ACOX2: variants seen among roughly 807,000 people sequenced by gnomAD.
ACOX2 encodes the protein peroxisomal acyl-coenzyme A oxidase 2.
ACOX2 carries 59 observed loss-of-function variants against 77.5 expected under a neutral mutation model. That is an observed-to-expected ratio of 0.76 (90% confidence interval 0.62 to 0.95). The LOEUF is 0.95. Ranked by LOEUF, ACOX2 falls within the 40% of genes least tolerant of loss-of-function variation. The pLI is 0.00. For missense variants in ACOX2, 837 were observed against 880.4 expected, an observed-to-expected ratio of 0.95 and a Z score of 0.62; for synonymous variants, 317 against 340.1, an observed-to-expected ratio of 0.93 and a Z score of 0.75.
intron 13 of ACOX2, among the ~76,000 whole-genome samples, chr3:58,510,284 G>A (rs916446486): frequency 6.6e-6 from 1 of 151,866 alleles, no homozygotes; most frequent in Non-Finnish European, 1.5e-5. Context: ...CCCCCTTGTG[G>A]TCTCACTTCA....
At chr3:58,517,174 G>A in intron 13 of ACOX2, 32 bp downstream of exon 13, 1 of 1,606,920 alleles carries the variant, frequency 6.2e-7, no homozygotes, top group Non-Finnish European at 8.5e-7. Flanking sequence ...ATTCTCTGAA[G>A]ACTAACATGG....
rs1247807524 is a variant in ACOX2 at position 58,535,946 on chromosome 3, T to C, written c.-91-749A>G. 6.6e-6 allele frequency among the ~76,000 whole-genome samples: 1 copy of C among 152,158 alleles called. No homozygotes were observed. Among genetic ancestry groups the C allele is most frequent in the Non-Finnish European group, 1.5e-5 (1 of 68,030 alleles). The stretch of plus-strand genomic sequence containing the variant: ...TTGGCTAGCATCCAGGCCACTGTTA[T>C]CTCTTACTTGGCCTCAGTGTTCCTC... On this transcript the variant is annotated intron_variant, in intron 1 of 14. Transcript: ENST00000302819. The surrounding 1 kb of genome is among the most constrained non-coding windows in gnomAD (Gnocchi z 4.8).
In ACOX2 at chr3:58,521,365, G is replaced by A. The variant is rs945667772; in HGVS notation, c.1632+1131C>T. On this transcript the variant is annotated intron_variant, in intron 12 of 14. Coordinates refer to ENST00000302819, the MANE Select transcript of ACOX2 (RefSeq NM_003500.4). The surrounding 1 kb of genome is among the most constrained non-coding windows in gnomAD (Gnocchi z 4.8). Reference sequence around the variant, plus strand: ...CTGGGTCTGAGGCCTGAGGATTGGCGTGATCACTTTAGTTTTCCAGTTATT... The same window carrying A: ...CTGGGTCTGAGGCCTGAGGATTGGCATGATCACTTTAGTTTTCCAGTTATT... Among the ~76,000 whole-genome samples, 4 of 152,298 alleles carry A rather than the reference G, an allele frequency of 2.6e-5. No individual in the cohort carries two copies. The highest frequency in any genetic ancestry group is 3.9e-4 in the East Asian group (2 of 5,174).
At chr3:58,536,796 C>A (rs901949899) in intron 1 of ACOX2, among the ~76,000 whole-genome samples, 3 of 152,198 alleles carry the variant, frequency 2.0e-5, no homozygotes, top group African/African-American at 7.2e-5. Context: ...AGCCCCCTCC[C>A]CCGGCATTCC....
chr3:58,508,948 C>T lies in ACOX2; in HGVS notation c.1928G>A (p.Gly643Glu), dbSNP rs758228481. 1.2e-6 allele frequency: 2 copies of T among 1,614,158 alleles called. No individual in the cohort carries two copies. The highest frequency in any genetic ancestry group is 1.7e-6 in the Non-Finnish European group (2 of 1,180,024). The change falls in exon 14 of 15, where the codon GGA becomes GAA. Residue 643 changes from glycine to glutamate, a missense_variant. Transcript: ENST00000302819. The part of the protein sequence containing the change: ...CLNSALGCYD[G>E]NVYERLFQWA... The stretch of plus-strand genomic sequence containing the variant: ...CTGGAACAGGCGTTCGTAGACGTTT[C>T]CATCATAACAGCCAAGTGCTGAATT...
Position 58,505,525 on chromosome 3 carries a change from A to G in ACOX2, c.1984-239T>C, listed in dbSNP as rs565798781. ...GATGCAGGTGGCCAATTAAAAACACAGCTTATCACTTGCTTTTGGAATTTC... is the reference window on the plus strand; with the variant it reads ...GATGCAGGTGGCCAATTAAAAACACGGCTTATCACTTGCTTTTGGAATTTC... On this transcript the variant is annotated intron_variant, in intron 14 of 14. Coordinates refer to ENST00000302819, the MANE Select transcript of ACOX2 (RefSeq NM_003500.4). This position sits in a 1 kb window ranked among gnomAD's most constrained non-coding sequence, Gnocchi z 4.4. Among the ~76,000 whole-genome samples, 1 of 152,370 alleles carries G rather than the reference A, an allele frequency of 6.6e-6. No individual in the cohort carries two copies. Among genetic ancestry groups the G allele is most frequent in the East Asian group, 1.9e-4 (1 of 5,192 alleles).
rs186391182 is a variant in ACOX2 at position 58,524,239 on chromosome 3, A to G, written c.1526+187T>C. ...CAGGATGGGGAAGTGACGGGGGTCCATGGCTGATGGGGGGGACATCCCCTC... is the reference window on the plus strand; with the variant it reads ...CAGGATGGGGAAGTGACGGGGGTCCGTGGCTGATGGGGGGGACATCCCCTC... On this transcript the variant is annotated intron_variant, in intron 11 of 14. Coordinates refer to ENST00000302819, the MANE Select transcript of ACOX2 (RefSeq NM_003500.4). The surrounding 1 kb of genome is among the most constrained non-coding windows in gnomAD (Gnocchi z 5.5). Among the ~76,000 whole-genome samples, 52 of 152,306 alleles carry G rather than the reference A, an allele frequency of 3.4e-4. No homozygotes were observed. The highest frequency in any genetic ancestry group is 8.3e-4 in the South Asian group (4 of 4,830).
intron 12 of ACOX2, 147 bp from the exon 13 acceptor site, chr3:58,517,570 T>G (rs1306090109): frequency 2.1e-6 from 1 of 483,238 alleles, no homozygotes. Flanking sequence ...CTCCTAGCTC[T>G]GGGTCTGATC....
At position 58,515,373 on chromosome 3, in the gene ACOX2, A is replaced by G. The variant is rs114269622; in HGVS notation, c.1850+1833T>C. ...TATCTGTTACATGCTATGAGTAGTCATAAAGGGCATGTAACATATTGCATA... is the reference window on the plus strand; with the variant it reads ...TATCTGTTACATGCTATGAGTAGTCGTAAAGGGCATGTAACATATTGCATA... On this transcript the variant is annotated intron_variant, in intron 13 of 14. Coordinates refer to ENST00000302819, the MANE Select transcript of ACOX2 (RefSeq NM_003500.4). The surrounding 1 kb of genome is among the most constrained non-coding windows in gnomAD (Gnocchi z 4.0). 5.2e-3 allele frequency among the ~76,000 whole-genome samples: 798 copies of G among 152,308 alleles called. 6 individuals are homozygous for G. Among genetic ancestry groups the G allele is most frequent in the African/African-American group, 0.019 (772 of 41,566 alleles).
chr3:58,528,031 G>T lies in ACOX2; in HGVS notation c.1155+763C>A, dbSNP rs1309134183. Reference sequence around the variant, plus strand: ...CAATTTCTGTTGTTTATAAACCACTGCTTTATGGTATTTTGTTACAGTGGC... The same window carrying T: ...CAATTTCTGTTGTTTATAAACCACTTCTTTATGGTATTTTGTTACAGTGGC... On this transcript the variant is annotated intron_variant, in intron 9 of 14. Coordinates refer to ENST00000302819, the MANE Select transcript of ACOX2 (RefSeq NM_003500.4). This position sits in a 1 kb window ranked among gnomAD's most constrained non-coding sequence, Gnocchi z 5.6. Among the ~76,000 whole-genome samples, 3 of 152,270 alleles carry T rather than the reference G, an allele frequency of 2.0e-5. No individual in the cohort carries two copies. The East Asian group carries it at 5.8e-4, about 29-fold the overall frequency.
In ACOX2 at chr3:58,524,014, A is replaced by G. The variant is rs1419611846; in HGVS notation, c.1526+412T>C. Among the ~76,000 whole-genome samples the G allele has an allele frequency of 6.6e-6, 1 of 152,110 alleles. No individual in the cohort carries two copies. Among genetic ancestry groups the G allele is most frequent in the African/African-American group, 2.4e-5 (1 of 41,422 alleles). On this transcript the variant is annotated intron_variant, in intron 11 of 14. Coordinates refer to ENST00000302819, the MANE Select transcript of ACOX2 (RefSeq NM_003500.4). This position sits in a 1 kb window ranked among gnomAD's most constrained non-coding sequence, Gnocchi z 5.5. ...GAATTCTATCCCGTGGTGTAGTCAT[A>G]TTTTCAAAAATTATTTTTAGATTAT...
Position 58,522,622 on chromosome 3 carries a change from G to A in ACOX2, c.1527-21C>T, listed in dbSNP as rs1253175403. 4 of 1,610,852 alleles carry A rather than the reference G, an allele frequency of 2.5e-6. No individual in the cohort carries two copies. Among genetic ancestry groups the A allele is most frequent in the Non-Finnish European group, 3.4e-6 (4 of 1,177,114 alleles). ...TGAGCCTGAAAGCCAAAGCAAAAAA[G>A]GTTCAGCTTCCTGACTGAGTGGAAA... On this transcript the variant is annotated intron_variant, in intron 11 of 14. Transcript: ENST00000302819. This position sits in a 1 kb window ranked among gnomAD's most constrained non-coding sequence, Gnocchi z 4.3.
In ACOX2 at chr3:58,517,612, TTG is replaced by T. The variant is rs1491588329; in HGVS notation, c.1633-191_1633-190del. Among the ~76,000 whole-genome samples, 878 of 96,056 alleles carry T rather than the reference TTG, an allele frequency of 9.1e-3. 9 individuals carry two copies. Among genetic ancestry groups the T allele is most frequent in the Non-Finnish European group, 0.011 (519 of 48,146 alleles). The allele number at this position is 96,056 out of a possible 152,430, so 63.0% of individuals were successfully genotyped here. Reference sequence around the variant, plus strand: ...TTTTGATGTTGTGTATATGTGTGTGTTGGGGGGGGGAGCGGGGACGGGGGGGA... The same window carrying T: ...TTTTGATGTTGTGTATATGTGTGTGTGGGGGGGGAGCGGGGACGGGGGGGA... On this transcript the variant is annotated intron_variant, in intron 12 of 14. Transcript: ENST00000302819.
intron 13 of ACOX2, among the ~76,000 whole-genome samples, chr3:58,510,663 AATATATATATATATATAT>A (rs1364040351): frequency 7.7e-4 from 11 of 14,368 alleles, no homozygotes; most frequent in East Asian, 2.7e-3. Context: ...AAAAAAAAAA[AATATATATATATATATAT>A]ATATATATAT....
rs767419736 is a variant in ACOX2, at chr3:58,517,355, C to G, written c.1701G>C (p.Ala567=). 2.5e-6 allele frequency: 4 copies of G among 1,614,044 alleles called. No homozygotes were observed. In the African/African-American group the frequency reaches 5.3e-5, roughly 22 times the overall value. The change falls in exon 13 of 15, where the codon GCG becomes GCC. Residue 567 remains alanine (A), a synonymous_variant. Coordinates refer to ENST00000302819, the MANE Select transcript of ACOX2 (RefSeq NM_003500.4). The part of the protein sequence containing the change: ...EALEKLENEP[A]IQQVLKRLCD... ...AGAGGCGCTTGAGCACCTGCTGAAT[C>G]GCTGGTTCATTTTCTAGTTTCTCCA...
chr3:58,511,942 C>T (rs1029491271), intron 13 of ACOX2, among the ~76,000 whole-genome samples: 16 of 152,180 alleles, frequency 1.1e-4, no homozygotes, highest in Non-Finnish European at 2.1e-4. Flanking sequence ...TATTATCTTG[C>T]GAGGGTCTCA....
chr3:58,517,364 A>C lies in ACOX2; in HGVS notation c.1692T>G (p.Asn564Lys). The change falls in exon 13 of 15, where the codon AAT (asparagine) becomes AAG (lysine). Residue 564 changes from asparagine to lysine, a missense_variant. By Grantham distance (94) the Asn-to-Lys change is moderately conservative. Coordinates refer to ENST00000302819, the MANE Select transcript of ACOX2 (RefSeq NM_003500.4). ...TGAGCACCTGCTGAATCGCTGGTTC[A>C]TTTTCTAGTTTCTCCAGAGCTTCTG... ...GFTEALEKLE[N>K]EPAIQQVLKR... is the part of the protein sequence containing the mutation. 6.2e-7 allele frequency: 1 copy of C among 1,614,092 alleles called. No individual in the cohort carries two copies. Among genetic ancestry groups the C allele is most frequent in the African/African-American group, 1.3e-5 (1 of 75,012 alleles).
Position 58,526,154 on chromosome 3 carries a change from C to A in ACOX2, c.1346+312G>T, listed in dbSNP as rs371850940. On this transcript the variant is annotated intron_variant, in intron 10 of 14. Coordinates refer to ENST00000302819, the MANE Select transcript of ACOX2 (RefSeq NM_003500.4). This position sits in a 1 kb window ranked among gnomAD's most constrained non-coding sequence, Gnocchi z 4.3. ...CATTTTCCTATGAGCACTGGGAAGC[C>A]GTTGAAGAATTTCAAACCAGAGAAA... Among the ~76,000 whole-genome samples, 4 of 152,212 alleles carry A rather than the reference C, an allele frequency of 2.6e-5. No homozygotes were observed. The highest frequency in any genetic ancestry group is 9.6e-5 in the African/African-American group (4 of 41,550).
In ACOX2 at chr3:58,524,242, G is replaced by A. The variant is rs2063378587; in HGVS notation, c.1526+184C>T. Among the ~76,000 whole-genome samples, 1 of 152,252 alleles carries A rather than the reference G, an allele frequency of 6.6e-6. No individual in the cohort carries two copies. Among genetic ancestry groups the A allele is most frequent in the Non-Finnish European group, 1.5e-5 (1 of 68,038 alleles). ...GATGGGGAAGTGACGGGGGTCCATGGCTGATGGGGGGGACATCCCCTCTCT... is the reference window on the plus strand; with the variant it reads ...GATGGGGAAGTGACGGGGGTCCATGACTGATGGGGGGGACATCCCCTCTCT... On this transcript the variant is annotated intron_variant, in intron 11 of 14. Transcript: ENST00000302819. This position sits in a 1 kb window ranked among gnomAD's most constrained non-coding sequence, Gnocchi z 5.5.
Sources: allele counts gnomAD v4.1 joint callset (sites outside exome capture counted in the v4.1 genomes callset), GRCh38; gene constraint gnomAD v4.1.1; non-coding constraint Gnocchi (gnomAD v3.1); transcripts MANE v1.5; gene names NCBI Gene and HGNC (gene_info 2026-07-23, HGNC 2026-07-21).